PRH1: variants seen among roughly 807,000 people sequenced by gnomAD.
PRH1 encodes salivary acidic proline-rich phosphoprotein 1/2.
A neutral mutation model predicts 7.9 loss-of-function variants in PRH1; 7 were observed. The observed-to-expected ratio is 0.89, with a 90% CI of 0.50 to 1.67. The LOEUF (loss-of-function observed/expected upper bound fraction) is 1.67. Ranked by LOEUF, PRH1 falls within the 40% of genes most tolerant of loss-of-function variation. PRH1 has a pLI of 0.00. For missense variants in PRH1, 109 were observed against 223.6 expected (o/e 0.49, Z 3.27); for synonymous variants, 45 against 80.8 (o/e 0.56, Z 2.38).
At chr12:11,160,776 G>A (rs1015823244) in intron 1 of PRH1, among the ~76,000 whole-genome samples, 1 of 151,972 alleles carries the variant, frequency 6.6e-6, no homozygotes, top group African/African-American at 2.4e-5. Flanking sequence ...CCTGGCCCTG[G>A]AATTCTTTAG....
chr12:11,037,857 T>C (rs1186765946), intron 1 of PRH1, among the ~76,000 whole-genome samples: 1 of 151,940 alleles, frequency 6.6e-6, no homozygotes, highest in Non-Finnish European at 1.5e-5. Flanking sequence ...CTGGGCAACA[T>C]GGCAAAACCT....
At chr12:10,893,812 CT>C (rs956385428) in intron 2 of PRH1, among the ~76,000 whole-genome samples, 1 of 151,878 alleles carries the variant, frequency 6.6e-6, no homozygotes, top group Non-Finnish European at 1.5e-5. Context: ...GCAATATGTT[CT>C]TTTTTTTCTT....
chr12:11,103,734 G>A (rs36057066), intron 1 of PRH1, among the ~76,000 whole-genome samples: 7 of 151,576 alleles, frequency 4.6e-5, no homozygotes, highest in Non-Finnish European at 8.8e-5. Flanking sequence ...ACAAAATCTC[G>A]TGTTAAGCCA....
intron 1 of PRH1, chr12:11,133,594 T>C: frequency 1.2e-6 from 2 of 1,614,264 alleles, no homozygotes; most frequent in Non-Finnish European, 1.7e-6. Flanking sequence ...TGCTGGGATC[T>C]TGAGATCCTT....
rs1947682260 is a variant in PRH1 at position 11,168,310 on chromosome 12, AG to A, written n.39+3111del. 3.1e-3 allele frequency among the ~76,000 whole-genome samples: 214 copies of A among 68,764 alleles called. 37 individuals carry two copies. The highest frequency in any genetic ancestry group is 5.8e-3 in the Non-Finnish European group (164 of 28,046). 45.1% of individuals were successfully genotyped at this position (68,764 alleles called of 152,430 possible). On this transcript the variant is annotated intron_variant and non_coding_transcript_variant, in intron 1 of 1. Transcript: ENST00000541175. ...AAAGAAAGAAAGAAAGAAGGAAGGA[AG>A]GAAGGAAGGAAGGAAGGAAGGAAGG...
chr12:10,992,364 T>C (rs975112787), intron 1 of PRH1, among the ~76,000 whole-genome samples: 5 of 151,918 alleles, frequency 3.3e-5, no homozygotes, highest in African/African-American at 1.2e-4. Context: ...AGACACTGTG[T>C]TTCACAGAAT....
chr12:11,058,974 T>A (rs1319583389), intron 1 of PRH1, among the ~76,000 whole-genome samples: 1 of 152,186 alleles, frequency 6.6e-6, no homozygotes, highest in Non-Finnish European at 1.5e-5. Flanking sequence ...CTGATCCAGA[T>A]CATCCTTCCA....
intron 2 of PRH1, among the ~76,000 whole-genome samples, chr12:10,904,617 G>T (rs1156747931): frequency 6.6e-6 from 1 of 152,038 alleles, no homozygotes; most frequent in Admixed American, 6.5e-5. Flanking sequence ...CATTGGCCTT[G>T]GGAAAGAATT....
At chr12:11,120,026 A>C (rs915561137), downstream of PRH1, among the ~76,000 whole-genome samples, 1 of 152,254 alleles carries the variant, frequency 6.6e-6, no homozygotes, top group Admixed American at 6.5e-5. Context: ...TATGTGCTTG[A>C]GAATTTTGCA....
intron 1 of PRH1, among the ~76,000 whole-genome samples, chr12:11,087,519 G>A (rs1444672202): frequency 8.6e-6 from 1 of 116,634 alleles, no homozygotes; most frequent in African/African-American, 2.9e-5. Flanking sequence ...GATATGCATG[G>A]CAGCTGGCAG....
At position 11,074,695 on chromosome 12, in the gene PRH1, T is replaced by A. The variant is rs866921228; in HGVS notation, n.124-27507A>T. Among the ~76,000 whole-genome samples the A allele has an allele frequency of 8.9e-5, 10 of 112,818 alleles. 3 individuals are homozygous for A. The Middle Eastern group carries it at 0.012, about 140-fold the overall frequency. 74.0% of individuals were successfully genotyped at this position (112,818 alleles called of 152,430 possible). On this transcript the variant is annotated intron_variant and non_coding_transcript_variant, in intron 1 of 4. Transcript: ENST00000541977. ...AGTATCTCTTAGAAAAATGGGGGTATTGGTTAGTCTGACTTTCCCAAACAG... is the reference window on the plus strand; with the variant it reads ...AGTATCTCTTAGAAAAATGGGGGTAATGGTTAGTCTGACTTTCCCAAACAG...
At chr12:10,986,893 C>A in intron 1 of PRH1, 1 of 1,404,596 alleles carries the variant, frequency 7.1e-7, no homozygotes, top group Non-Finnish European at 9.5e-7. Flanking sequence ...AAAATGCAAG[C>A]CTAATATCAC....
intron 1 of PRH1, chr12:11,022,548 A>G (rs768508522): frequency 1.1e-5 from 17 of 1,611,528 alleles, no homozygotes; most frequent in Middle Eastern, 1.7e-4. Flanking sequence ...GAATTGATGA[A>G]ATGATGAGCA....
intron 1 of PRH1, among the ~76,000 whole-genome samples, chr12:11,008,797 T>G (rs112377198): frequency 6.6e-6 from 1 of 152,014 alleles, no homozygotes; most frequent in African/African-American, 2.4e-5. Context: ...GACAGCTTCT[T>G]TTATGAACTA....
intron 2 of PRH1, among the ~76,000 whole-genome samples, chr12:10,899,225 T>C (rs1183904956): frequency 2.6e-5 from 4 of 152,192 alleles, no homozygotes; most frequent in Admixed American, 1.3e-4. Context: ...GACATTTGAA[T>C]TGATGCAGCA....
chr12:10,973,057 G>A (rs1938911319), intron 2 of PRH1, among the ~76,000 whole-genome samples: 1 of 151,192 alleles, frequency 6.6e-6, no homozygotes, highest in African/African-American at 2.4e-5. Flanking sequence ...TCCCACTCAT[G>A]CTTTTTAGCC....
At chr12:10,959,403 GA>G (rs1565500384) in intron 2 of PRH1, among the ~76,000 whole-genome samples, 1 of 152,044 alleles carries the variant, frequency 6.6e-6, no homozygotes, top group Non-Finnish European at 1.5e-5. Flanking sequence ...TCAGCACACA[GA>G]AAATAAGTAA....
chr12:11,001,693 T>C (rs1356975305), intron 1 of PRH1, among the ~76,000 whole-genome samples: 1 of 152,142 alleles, frequency 6.6e-6, no homozygotes. Flanking sequence ...GTTAAATTTG[T>C]TGTACATGTG....
At chr12:10,940,161 G>T (rs911754566) in intron 2 of PRH1, among the ~76,000 whole-genome samples, 4 of 152,106 alleles carry the variant, frequency 2.6e-5, no homozygotes, top group Non-Finnish European at 4.4e-5. Flanking sequence ...TGGGTACCAA[G>T]AATAATACTT....
Sources: gnomAD v4.1 joint callset for allele counts (sites outside exome capture counted in the v4.1 genomes callset) on GRCh38, gnomAD v4.1.1 for gene constraint, MANE v1.5 for transcripts, NCBI Gene and HGNC (gene_info 2026-07-23, HGNC 2026-07-21) for gene names.